LIFR: variants seen among roughly 807,000 people sequenced by gnomAD.
LIFR encodes the protein LIF receptor subunit alpha.
LIFR carries 84 observed loss-of-function variants against 122.2 expected under a neutral mutation model. That is an observed-to-expected ratio of 0.69 (90% CI 0.58 to 0.82). The LOEUF (loss-of-function observed/expected upper bound fraction) is 0.82. Ranked by LOEUF, LIFR falls within the 40% of genes least tolerant of loss-of-function variation. The pLI, the probability that LIFR is intolerant of heterozygous loss-of-function variation, is 0.00. For missense variants in LIFR, 1,294 were observed against 1,311.6 expected, an observed-to-expected ratio of 0.99 and a Z score of 0.21; for synonymous variants, 422 against 434.7, an observed-to-expected ratio of 0.97 and a Z score of 0.36.
intron 14 of LIFR, among the ~76,000 whole-genome samples, chr5:38,492,132 C>A (rs893174200): frequency 6.6e-6 from 1 of 152,184 alleles, no homozygotes; most frequent in Non-Finnish European, 1.5e-5. Flanking sequence ...ATATTCCCAG[C>A]CTCTTGAAGC....
Position 38,480,207 on chromosome 5 carries a change from G to A in LIFR, c.*1388C>T. 4.4e-6 allele frequency: 1 copy of A among 228,120 alleles called. No individual in the cohort carries two copies. The highest frequency in any genetic ancestry group is 8.7e-6 in the Non-Finnish European group (1 of 114,944). The allele number at this position is 228,120 out of a possible 1,614,324, so 14.1% of individuals were successfully genotyped here. A position where few individuals can be genotyped will look rare whatever the true frequency, so the allele number is the denominator to read the frequency against. On this transcript the variant is annotated 3_prime_UTR_variant, in exon 20 of 20. Transcript: ENST00000453190. The stretch of plus-strand genomic sequence containing the variant: ...AGTACTTTTGCCTTAAATATGAAAA[G>A]GTAAAATACATAGGCAACCTGAGGG...
At chr5:38,498,179 C>A (rs1744987086) in intron 12 of LIFR, among the ~76,000 whole-genome samples, 1 of 152,198 alleles carries the variant, frequency 6.6e-6, no homozygotes, top group Non-Finnish European at 1.5e-5. Context: ...CTCTAAGGGG[C>A]AGGCTTTAGT....
chr5:38,603,534 A>G (rs1358893344), intron 2 of LIFR, among the ~76,000 whole-genome samples: 1 of 152,234 alleles, frequency 6.6e-6, no homozygotes, highest in Non-Finnish European at 1.5e-5. Flanking sequence ...GGTCAGGGAA[A>G]GACCCTTAAG....
chr5:38,536,989 T>A (rs1747324784), intron 1 of LIFR, among the ~76,000 whole-genome samples: 1 of 152,228 alleles, frequency 6.6e-6, no homozygotes, highest in East Asian at 1.9e-4. Context: ...TTGCATTTCC[T>A]GGGAACTTTT....
intron 1 of LIFR, among the ~76,000 whole-genome samples, chr5:38,540,962 T>C (rs951391851): frequency 1.3e-5 from 2 of 152,184 alleles, no homozygotes; most frequent in African/African-American, 4.8e-5. Context: ...TTGACCAAAA[T>C]GTGCCTGAAT....
At chr5:38,498,831 A>C (rs1337840092) in intron 12 of LIFR, among the ~76,000 whole-genome samples, 1 of 152,214 alleles carries the variant, frequency 6.6e-6, no homozygotes, top group Non-Finnish European at 1.5e-5. Context: ...TTGAACCTGC[A>C]TGTACACTTC....
At chr5:38,520,352 G>A (rs534760940) in intron 5 of LIFR, among the ~76,000 whole-genome samples, 1 of 152,220 alleles carries the variant, frequency 6.6e-6, no homozygotes, top group South Asian at 2.1e-4. Flanking sequence ...GTTCACGGTA[G>A]GTTCTGGATA....
intron 1 of LIFR, among the ~76,000 whole-genome samples, chr5:38,546,033 T>C (rs553207074): frequency 1.3e-5 from 2 of 152,288 alleles, no homozygotes; most frequent in African/African-American, 4.8e-5. Context: ...TTTAGTTGTT[T>C]TGACTCAATA....
chr5:38,552,321 C>T (rs1748248418), intron 1 of LIFR, among the ~76,000 whole-genome samples: 1 of 152,186 alleles, frequency 6.6e-6, no homozygotes, highest in African/African-American at 2.4e-5. Context: ...AATTGCTTGG[C>T]ATAAAACTCA....
At chr5:38,602,251 C>G (rs776047469) in intron 2 of LIFR, among the ~76,000 whole-genome samples, 9 of 152,210 alleles carry the variant, frequency 5.9e-5, no homozygotes, top group Non-Finnish European at 7.3e-5. Context: ...CAGATAAAAT[C>G]TAGACACAAT....
chr5:38,529,074 A>G lies in LIFR; in HGVS notation c.143-234T>C, dbSNP rs573414540. 1.6e-3 allele frequency among the ~76,000 whole-genome samples: 242 copies of G among 151,982 alleles called. 3 individuals carry two copies. The highest frequency in any genetic ancestry group is 2.2e-3 in the Non-Finnish European group (147 of 67,962). On this transcript the variant is annotated intron_variant, in intron 2 of 19. Coordinates refer to ENST00000453190, the MANE Select transcript of LIFR (RefSeq NM_001127671.2). Reference sequence around the variant, plus strand: ...CAGCTTTGGTTAAAAAAAAACAACTAAAGGGTAAACTGATGAAAGTGGGCC... The same window carrying G: ...CAGCTTTGGTTAAAAAAAAACAACTGAAGGGTAAACTGATGAAAGTGGGCC...
chr5:38,573,326 C>T (rs1270742833), intron 1 of LIFR, among the ~76,000 whole-genome samples: 1 of 152,144 alleles, frequency 6.6e-6, no homozygotes, highest in East Asian at 1.9e-4. Flanking sequence ...GTCAGTGTGC[C>T]TTTCGATGTC....
chr5:38,573,936 GA>G (rs963258074), intron 1 of LIFR, among the ~76,000 whole-genome samples: 31 of 152,030 alleles, frequency 2.0e-4, no homozygotes, highest in Non-Finnish European at 5.9e-5. Flanking sequence ...CCAACATGGT[GA>G]AACCCCGTCT....
intron 5 of LIFR, among the ~76,000 whole-genome samples, chr5:38,515,349 G>T (rs1418265538): frequency 6.6e-6 from 1 of 151,630 alleles, no homozygotes; most frequent in Non-Finnish European, 1.5e-5. Context: ...AGATTTATTC[G>T]CAAAGATAAA....
chr5:38,553,111 G>A (rs1748293616), intron 1 of LIFR, among the ~76,000 whole-genome samples: 1 of 152,104 alleles, frequency 6.6e-6, no homozygotes, highest in Admixed American at 6.5e-5. Flanking sequence ...ACCAACTCCA[G>A]CCACAGAGGT....
At chr5:38,545,392 A>G (rs1180572722) in intron 1 of LIFR, among the ~76,000 whole-genome samples, 1 of 152,114 alleles carries the variant, frequency 6.6e-6, no homozygotes, top group East Asian at 1.9e-4. Flanking sequence ...ACACATATAT[A>G]TATGCACAGA....
chr5:38,517,932 C>T (rs1368929705), intron 5 of LIFR, among the ~76,000 whole-genome samples: 1 of 129,768 alleles, frequency 7.7e-6, no homozygotes, highest in Non-Finnish European at 1.6e-5. Context: ...AAGTGAGACC[C>T]CATCTCTATG....
rs1743744076 is a variant in LIFR, at chr5:38,476,809, C to A, written c.*4786G>T. 1 of 212,250 alleles carries A rather than the reference C, an allele frequency of 4.7e-6. No homozygotes were observed. The highest frequency in any genetic ancestry group is 1.9e-4 in the South Asian group (1 of 5,358). The allele number at this position is 212,250 out of a possible 1,614,324, so 13.1% of individuals were successfully genotyped here. ...TTCAGAGGGTTTTCCCCTTAACACA[C>A]AACTTTTAATTCTCATGAAAATGTT... On this transcript the variant is annotated 3_prime_UTR_variant, in exon 20 of 20. Coordinates refer to ENST00000453190, the MANE Select transcript of LIFR (RefSeq NM_001127671.2).
At chr5:38,484,380 C>T (rs1744162462) in intron 18 of LIFR, among the ~76,000 whole-genome samples, 1 of 152,202 alleles carries the variant, frequency 6.6e-6, no homozygotes, top group Non-Finnish European at 1.5e-5. Flanking sequence ...AGAGGTCATT[C>T]ATATTTGTTG....
Sources: allele counts gnomAD v4.1 joint callset (sites outside exome capture counted in the v4.1 genomes callset), GRCh38; gene constraint gnomAD v4.1.1; transcripts MANE v1.5; gene names NCBI Gene and HGNC (gene_info 2026-07-23, HGNC 2026-07-21).